The following DPP6 variants were observed in gnomAD, a reference collection of about 807,000 sequenced individuals.
DPP6 encodes the protein dipeptidyl peptidase like 6.
DPP6 carries 69 observed loss-of-function variants against 122.6 expected under a neutral mutation model. The ratio of observed to expected loss-of-function variants is 0.56; its 90% confidence interval spans 0.46 to 0.69. The LOEUF (loss-of-function observed/expected upper bound fraction) is 0.69. Ranked by LOEUF, DPP6 falls within the 30% of genes least tolerant of loss-of-function variation. The probability of loss-of-function intolerance (pLI) is 0.00; values close to 1 mark genes in which losing one functional copy is unlikely to be tolerated. For missense variants in DPP6, 928 were observed against 1,116.9 expected (o/e 0.83, Z 2.41); for synonymous variants, 418 against 433.1 (o/e 0.97, Z 0.43).
At chr7:154,671,604 A>G (rs1838558773) in intron 7 of DPP6, among the ~76,000 whole-genome samples, 1 of 151,980 alleles carries the variant, frequency 6.6e-6, no homozygotes, top group Admixed American at 6.6e-5. Context: ...AGGAAATTTA[A>G]CCCACAACTG....
chr7:154,023,347 C>CAT (rs1230437694), intron 1 of DPP6, among the ~76,000 whole-genome samples: 3 of 151,838 alleles, frequency 2.0e-5, no homozygotes, highest in Non-Finnish European at 4.4e-5. Flanking sequence ...CACACACACA[C>CAT]ACACACACAC....
the DPP6 span, among the ~76,000 whole-genome samples, chr7:153,784,835 A>G: frequency 3.9e-5 from 6 of 152,224 alleles, no homozygotes; most frequent in African/African-American, 1.4e-4. Flanking sequence ...TCTTATTTGT[A>G]ATATTTGAAT....
intron 5 of DPP6, among the ~76,000 whole-genome samples, chr7:154,576,302 G>A (rs1831666926): frequency 6.6e-6 from 1 of 151,944 alleles, no homozygotes; most frequent in Admixed American, 6.6e-5. Flanking sequence ...GCAGAGGCCC[G>A]AGGCCACGAG....
the DPP6 span, among the ~76,000 whole-genome samples, chr7:153,789,972 A>G: frequency 6.6e-6 from 1 of 152,176 alleles, no homozygotes; most frequent in Non-Finnish European, 1.5e-5. Flanking sequence ...TAGGGATATT[A>G]TCTGAGTCGG....
chr7:154,768,081 C>G (rs534414104), intron 8 of DPP6, among the ~76,000 whole-genome samples: 42 of 152,374 alleles, frequency 2.8e-4, no homozygotes, highest in African/African-American at 9.9e-4. Context: ...CTCCTGCTCC[C>G]ACCCCAGGAG....
intron 18 of DPP6, among the ~76,000 whole-genome samples, chr7:154,871,492 T>G (rs1385311337): frequency 1.3e-5 from 2 of 152,240 alleles, no homozygotes; most frequent in Non-Finnish European, 2.9e-5. Context: ...TTTTATTTTG[T>G]ATTTTTTAGA....
At chr7:154,136,763 A>G (rs540797630) in intron 1 of DPP6, among the ~76,000 whole-genome samples, 1 of 152,370 alleles carries the variant, frequency 6.6e-6, no homozygotes, top group East Asian at 1.9e-4. Flanking sequence ...TGAAAAGAAG[A>G]CTTATGTCAG....
chr7:154,633,203 A>C (rs549664281), intron 5 of DPP6, among the ~76,000 whole-genome samples: 3 of 152,194 alleles, frequency 2.0e-5, no homozygotes, highest in African/African-American at 7.2e-5. Context: ...AGAAATATTT[A>C]GTCTATTTTA....
chr7:154,840,554 G>A (rs1048065732), intron 16 of DPP6, among the ~76,000 whole-genome samples: 3 of 152,218 alleles, frequency 2.0e-5, no homozygotes, highest in African/African-American at 4.8e-5. Flanking sequence ...ACACGCAAGC[G>A]TTGTCTCGGG....
chr7:154,266,764 G>C (rs1433925121), intron 1 of DPP6, among the ~76,000 whole-genome samples: 4 of 152,160 alleles, frequency 2.6e-5, no homozygotes, highest in African/African-American at 9.7e-5. Flanking sequence ...AAGTGTATCT[G>C]AGGACCCTGG....
chr7:154,718,873 C>T (rs1841644245), intron 7 of DPP6, among the ~76,000 whole-genome samples: 1 of 152,034 alleles, frequency 6.6e-6, no homozygotes, highest in Admixed American at 6.6e-5. Flanking sequence ...CTTCTGACCT[C>T]AGGTGATCCA....
chr7:154,061,669 C>A (rs1216933271), intron 1 of DPP6, among the ~76,000 whole-genome samples: 2 of 139,804 alleles, frequency 1.4e-5, no homozygotes, highest in African/African-American at 2.7e-5. Context: ...ACCCCTCTTC[C>A]CCCCCTGGCT....
At chr7:154,156,225 CTT>C (rs1232301785) in intron 1 of DPP6, among the ~76,000 whole-genome samples, 1 of 152,264 alleles carries the variant, frequency 6.6e-6, no homozygotes, top group Admixed American at 6.5e-5. Flanking sequence ...GAGCTCATCT[CTT>C]TTGCAGGCCG....
intron 6 of DPP6, among the ~76,000 whole-genome samples, chr7:154,662,458 GGC>G (rs1837786114): frequency 2.1e-5 from 2 of 96,354 alleles, no homozygotes; most frequent in African/African-American, 7.2e-5. Context: ...GAATCACCAT[GGC>G]GTATCAGCCG....
intron 1 of DPP6, among the ~76,000 whole-genome samples, chr7:154,382,778 CTG>C (rs1813742085): frequency 6.6e-6 from 1 of 152,138 alleles, no homozygotes; most frequent in Admixed American, 6.5e-5. Context: ...GTTACCCAAG[CTG>C]TAGTGCAATG....
At chr7:153,755,649 C>A in the DPP6 span, among the ~76,000 whole-genome samples, 1 of 152,100 alleles carries the variant, frequency 6.6e-6, no homozygotes. Flanking sequence ...CATCCTATTT[C>A]CGAACTTTTC....
chr7:154,207,069 C>A (rs1799486907), intron 1 of DPP6, among the ~76,000 whole-genome samples: 1 of 152,138 alleles, frequency 6.6e-6, no homozygotes, highest in Non-Finnish European at 1.5e-5. Context: ...CTTTGCGTAT[C>A]CAGATTCGAA....
At chr7:154,259,274 A>T (rs2150910735) in intron 1 of DPP6, among the ~76,000 whole-genome samples, 1 of 152,364 alleles carries the variant, frequency 6.6e-6, no homozygotes, top group East Asian at 1.9e-4. Flanking sequence ...ACATTGAAAC[A>T]AAGTCACATT....
intron 1 of DPP6, among the ~76,000 whole-genome samples, chr7:154,133,030 T>C (rs1418446812): frequency 6.6e-6 from 1 of 152,076 alleles, no homozygotes; most frequent in Non-Finnish European, 1.5e-5. Context: ...TCGTTGTCCG[T>C]TGGATTCATG....
Sources: allele counts gnomAD v4.1 joint callset (sites outside exome capture counted in the v4.1 genomes callset), GRCh38; gene constraint gnomAD v4.1.1; transcripts MANE v1.5; gene names NCBI Gene and HGNC (gene_info 2026-07-23, HGNC 2026-07-21).